ITPKB: variants seen among roughly 807,000 people sequenced by gnomAD.
ITPKB encodes the protein IP3 3-kinase B.
In ITPKB, 13 loss-of-function variants were observed where a neutral mutation model predicts 69.4. The ratio of observed to expected loss-of-function variants is 0.19; its 90% confidence interval spans 0.12 to 0.30. The LOEUF (loss-of-function observed/expected upper bound fraction) is 0.30, where lower values mean the gene tolerates loss of function less well. ITPKB is among the 10% of genes least tolerant of loss of function. The pLI is 1.00. For missense variants in ITPKB, 1,240 were observed against 1,250.5 expected (o/e 0.99, Z 0.13); for synonymous variants, 584 against 513.7 (o/e 1.14, Z -1.85).
chr1:226,657,299 G>A (rs1382716527), intron 2 of ITPKB: 2 of 152,234 alleles, frequency 1.3e-5, no homozygotes, highest in Non-Finnish European at 2.9e-5. Context: ...TATTTTCAAG[G>A]TGAATAATAA....
At chr1:226,650,399 C>T (rs536884800) in intron 2 of ITPKB, among the ~76,000 whole-genome samples, 115 of 152,284 alleles carry the variant, frequency 7.6e-4, no homozygotes, top group Non-Finnish European at 1.5e-3. Flanking sequence ...ACAAAAGGGC[C>T]GAGGCTTTAC....
chr1:226,670,170 C>T (rs1263380610), intron 2 of ITPKB, among the ~76,000 whole-genome samples: 5 of 102,574 alleles, frequency 4.9e-5, no homozygotes, highest in African/African-American at 9.1e-5. Context: ...CACCAAGCTC[C>T]GCCGCAAAAA....
rs1487439246 is a variant in ITPKB at position 226,632,398 on chromosome 1, A to C, written c.*2273T>G. ...GGGGTTCTGGGAGATTCCATTTCAC[A>C]ATCCATCTATCCCACTGAGACAAAG... is the stretch of plus-strand genomic sequence containing the variant. On this transcript the variant is annotated 3_prime_UTR_variant, in exon 8 of 8. Coordinates refer to ENST00000429204, the MANE Select transcript of ITPKB (RefSeq NM_002221.4). The C allele has an allele frequency of 1.3e-5, 2 of 152,226 alleles. No homozygotes were observed. 9.4% of individuals were successfully genotyped at this position (152,226 alleles called of 1,614,324 possible).
rs761878359 is a variant in ITPKB, at chr1:226,736,687, C to G, written c.772G>C (p.Glu258Gln). ...CGGGGACTGGCAGGGATACCCTTCT[C>G]CATCCTTACAAAAGCGGATGGACCC... ...AQGPSAFVRMEKGIPASPRCG... is the reference protein window; with the variant it reads ...AQGPSAFVRMQKGIPASPRCG... The change falls in exon 2 of 8, where the codon GAG becomes CAG. Residue 258 changes from glutamate to glutamine, a missense_variant. By Grantham distance (29) the Glu-to-Gln change is conservative. Around this residue, in one of 2 missense-constraint regions of ITPKB, gnomAD observed 992 missense variants for 853.8 expected, o/e 1.16. Coordinates refer to ENST00000429204, the MANE Select transcript of ITPKB (RefSeq NM_002221.4). 6.2e-7 allele frequency: 1 copy of G among 1,613,068 alleles called. No individual in the cohort carries two copies. The highest frequency in any genetic ancestry group is 1.1e-5 in the South Asian group (1 of 91,084).
intron 2 of ITPKB, among the ~76,000 whole-genome samples, chr1:226,673,677 A>G (rs2102768408): frequency 6.6e-6 from 1 of 151,778 alleles, no homozygotes; most frequent in South Asian, 2.1e-4. Flanking sequence ...GATATTGCAT[A>G]GCTATAGATT....
Position 226,738,308 on chromosome 1 carries a change from G to A in ITPKB, c.-205-645C>T, listed in dbSNP as rs1657875257. Among the ~76,000 whole-genome samples the A allele has an allele frequency of 6.6e-6, 1 of 152,170 alleles. No individual in the cohort carries two copies. Among genetic ancestry groups the A allele is most frequent in the Admixed American group, 6.5e-5 (1 of 15,292 alleles). On this transcript the variant is annotated intron_variant, in intron 1 of 7. Coordinates refer to ENST00000429204, the MANE Select transcript of ITPKB (RefSeq NM_002221.4). The surrounding 1 kb of genome is among the most constrained non-coding windows in gnomAD (Gnocchi z 4.2). ...GCCTACGAAGGCCTGGGCGGGCAGC[G>A]GGGCCGCAGCCGAAGCATTTTTCAG... is the stretch of plus-strand genomic sequence containing the variant.
intron 2 of ITPKB, chr1:226,707,916 C>A: frequency 7.5e-7 from 1 of 1,331,790 alleles, no homozygotes; most frequent in Non-Finnish European, 9.9e-7. Flanking sequence ...CAAGAAGTCA[C>A]TAAAGGGAGA....
At chr1:226,679,924 T>A (rs2102772903) in intron 2 of ITPKB, among the ~76,000 whole-genome samples, 1 of 151,742 alleles carries the variant, frequency 6.6e-6, no homozygotes, top group African/African-American at 2.4e-5. Context: ...CGGGAAGAGT[T>A]AAAGCGCAGG....
intron 2 of ITPKB, among the ~76,000 whole-genome samples, chr1:226,683,016 C>T (rs948566254): frequency 2.0e-5 from 3 of 152,214 alleles, no homozygotes; most frequent in African/African-American, 4.8e-5. Context: ...GGTCTGTCTG[C>T]CCACAGACTC....
intron 2 of ITPKB, among the ~76,000 whole-genome samples, chr1:226,685,185 T>C (rs1462614428): frequency 6.6e-6 from 1 of 152,206 alleles, no homozygotes; most frequent in Non-Finnish European, 1.5e-5. Context: ...TACACCTCCA[T>C]CTGCGGACGC....
At chr1:226,699,519 C>A (rs1656582788) in intron 2 of ITPKB, among the ~76,000 whole-genome samples, 1 of 152,170 alleles carries the variant, frequency 6.6e-6, no homozygotes, top group Admixed American at 6.5e-5. Context: ...TCCTCATCTG[C>A]AAAATAGATA....
intron 2 of ITPKB, among the ~76,000 whole-genome samples, chr1:226,684,007 C>T (rs1333251272): frequency 6.6e-6 from 1 of 152,112 alleles, no homozygotes; most frequent in African/African-American, 2.4e-5. Flanking sequence ...AGGCATGTTC[C>T]ATACTGACAA....
rs778106290 is a variant in ITPKB, at chr1:226,641,936, C to T, written c.2436G>A (p.Arg812=). The T allele has an allele frequency of 6.2e-7, 1 of 1,613,760 alleles. No homozygotes were observed. Among genetic ancestry groups the T allele is most frequent in the Non-Finnish European group, 8.5e-7 (1 of 1,179,906 alleles). The stretch of plus-strand genomic sequence containing the variant: ...CCGGCCTCACCTTGATTCCCTCGAT[C>T]CTGAACCCCAGGGTGGCCGTGGAGC... The part of the protein sequence containing the change: ...TISSTATLGF[R]IEGIKKEDGT... The change falls in exon 5 of 8, where the codon AGG becomes AGA. Residue 812 remains arginine, a synonymous_variant. Coordinates refer to ENST00000429204, the MANE Select transcript of ITPKB (RefSeq NM_002221.4). The surrounding 1 kb of genome is among the most constrained non-coding windows in gnomAD (Gnocchi z 4.6).
At position 226,727,012 on chromosome 1, in the gene ITPKB, G is replaced by C. The variant is rs76708552; in HGVS notation, c.1932+8515C>G. Among the ~76,000 whole-genome samples the C allele has an allele frequency of 4.6e-4, 70 of 152,244 alleles. 1 individual carries two copies. The East Asian group carries it at 0.011, about 25-fold the overall frequency. Reference sequence around the variant, plus strand: ...ATTGTTTATCTCATTGTCATACACAGGCCTTTTCAGTTTCCTGCTAGCAGA... The same window carrying C: ...ATTGTTTATCTCATTGTCATACACACGCCTTTTCAGTTTCCTGCTAGCAGA... On this transcript the variant is annotated intron_variant, in intron 2 of 7. Transcript: ENST00000429204.
intron 2 of ITPKB, among the ~76,000 whole-genome samples, chr1:226,731,431 A>C (rs1025736661): frequency 3.3e-5 from 5 of 152,244 alleles, no homozygotes; most frequent in African/African-American, 4.8e-5. Context: ...CAAAAGCACA[A>C]AAGTAAAAGT....
intron 2 of ITPKB, among the ~76,000 whole-genome samples, chr1:226,652,171 G>A (rs924976739): frequency 2.0e-5 from 3 of 152,264 alleles, no homozygotes; most frequent in African/African-American, 7.2e-5. Context: ...GGGGGAAGGA[G>A]GGAAGGAGGG....
chr1:226,725,597 G>A (rs1657388192), intron 2 of ITPKB, among the ~76,000 whole-genome samples: 1 of 152,212 alleles, frequency 6.6e-6, no homozygotes, highest in South Asian at 2.1e-4. Flanking sequence ...CTAGAGTGCA[G>A]TGCAGTCTCC....
At chr1:226,722,999 T>C (rs1462108756) in intron 2 of ITPKB, among the ~76,000 whole-genome samples, 1 of 151,840 alleles carries the variant, frequency 6.6e-6, no homozygotes, top group African/African-American at 2.4e-5. Flanking sequence ...ACATCCTGTG[T>C]GTAGCAGAGT....
At chr1:226,714,455 G>T (rs552296047) in intron 2 of ITPKB, among the ~76,000 whole-genome samples, 2 of 152,202 alleles carry the variant, frequency 1.3e-5, no homozygotes, top group Non-Finnish European at 2.9e-5. Context: ...TTTGAAGTAA[G>T]AATGACATGA....
Sources: gnomAD v4.1 joint callset for allele counts (sites outside exome capture counted in the v4.1 genomes callset) on GRCh38, gnomAD v4.1.1 for gene constraint, gnomAD v4.1.1 regional missense constraint, Gnocchi (gnomAD v3.1) non-coding constraint, MANE v1.5 for transcripts, NCBI Gene and HGNC (gene_info 2026-07-23, HGNC 2026-07-21) for gene names.